The following ST6GALNAC3 variants were observed in gnomAD, a reference collection of about 807,000 sequenced individuals.
ST6GALNAC3 encodes alpha-N-acetylgalactosaminide alpha-2,6-sialyltransferase 3.
A neutral mutation model predicts 32.7 loss-of-function variants in ST6GALNAC3; 25 were observed. That is an observed-to-expected ratio of 0.76 (90% CI 0.56 to 1.07). The LOEUF is 1.07. ST6GALNAC3 is among the 50% of genes least tolerant of loss of function. ST6GALNAC3 has a pLI of 0.00. For missense variants in ST6GALNAC3, 355 were observed against 382.4 expected, an observed-to-expected ratio of 0.93 and a Z score of 0.60; for synonymous variants, 129 against 133.1, an observed-to-expected ratio of 0.97 and a Z score of 0.21.
chr1:76,527,196 A>G (rs1662965318), intron 3 of ST6GALNAC3, among the ~76,000 whole-genome samples: 1 of 152,070 alleles, frequency 6.6e-6, no homozygotes, highest in Non-Finnish European at 1.5e-5. Flanking sequence ...TTGGTGACAG[A>G]GAGGAGCATA....
chr1:76,402,495 C>T (rs184412859), intron 2 of ST6GALNAC3, among the ~76,000 whole-genome samples: 5 of 152,240 alleles, frequency 3.3e-5, no homozygotes, highest in East Asian at 1.9e-4. Context: ...CAGTACACTA[C>T]GCACCATGAT....
intron 3 of ST6GALNAC3, among the ~76,000 whole-genome samples, chr1:76,447,483 G>A (rs920783170): frequency 5.9e-5 from 9 of 152,236 alleles, no homozygotes; most frequent in Middle Eastern, 3.4e-3. Flanking sequence ...ATTTGCATAA[G>A]TAACAAGGAG....
chr1:76,358,357 G>A (rs765346284), intron 2 of ST6GALNAC3, among the ~76,000 whole-genome samples: 6 of 152,104 alleles, frequency 3.9e-5, no homozygotes, highest in African/African-American at 7.2e-5. Context: ...TGGAACTCAC[G>A]AAACCTTTCC....
chr1:76,563,017 T>A (rs1480945093), intron 3 of ST6GALNAC3, among the ~76,000 whole-genome samples: 1 of 152,196 alleles, frequency 6.6e-6, no homozygotes, highest in Non-Finnish European at 1.5e-5. Flanking sequence ...CCTGAGAAGG[T>A]ACTATCCACA....
chr1:76,501,792 G>A (rs1350157341), intron 3 of ST6GALNAC3, among the ~76,000 whole-genome samples: 1 of 152,194 alleles, frequency 6.6e-6, no homozygotes, highest in Non-Finnish European at 1.5e-5. Context: ...TTGGTTTGCT[G>A]TTAGAATCTC....
intron 1 of ST6GALNAC3, among the ~76,000 whole-genome samples, chr1:76,134,866 G>A (rs531795065): frequency 9.2e-5 from 14 of 152,350 alleles, no homozygotes; most frequent in Middle Eastern, 3.4e-3. Flanking sequence ...TTTCTGGCCA[G>A]GTGCGGTGGC....
At chr1:76,204,083 T>A (rs1368968968) in intron 1 of ST6GALNAC3, among the ~76,000 whole-genome samples, 1 of 152,194 alleles carries the variant, frequency 6.6e-6, no homozygotes, top group Admixed American at 6.5e-5. Context: ...TAACCACCAA[T>A]CTGCTCTCTA....
Position 76,628,905 on chromosome 1 carries a change from A to G in ST6GALNAC3, c.*99A>G. 1.9e-6 allele frequency: 3 copies of G among 1,550,954 alleles called. No homozygotes were observed. The East Asian group carries it at 6.8e-5, about 35-fold the overall frequency. On this transcript the variant is annotated 3_prime_UTR_variant, in exon 5 of 5. Transcript: ENST00000328299. ...TGGAGATGATGGTAATGATAAAGAC[A>G]ACAACAATGATTATCAAGTTCCTGT...
intron 2 of ST6GALNAC3, among the ~76,000 whole-genome samples, chr1:76,371,839 T>C (rs1458088052): frequency 6.6e-6 from 1 of 152,154 alleles, no homozygotes; most frequent in East Asian, 1.9e-4. Context: ...TGGTGGTAAT[T>C]ACAGGGCTCA....
chr1:76,141,797 T>G (rs1412422419), intron 1 of ST6GALNAC3, among the ~76,000 whole-genome samples: 1 of 152,174 alleles, frequency 6.6e-6, no homozygotes, highest in Non-Finnish European at 1.5e-5. Context: ...AGTCTCCTCA[T>G]GACAACCATT....
Position 76,496,167 on chromosome 1 carries a change from C to A in ST6GALNAC3, c.623+83750C>A, listed in dbSNP as rs543200988. Reference sequence around the variant, plus strand: ...GGTCCCTCCCTCCATATGGAAAAATCTGCCTGAGATTTAGACAGACACTAT... The same window carrying A: ...GGTCCCTCCCTCCATATGGAAAAATATGCCTGAGATTTAGACAGACACTAT... On this transcript the variant is annotated intron_variant, in intron 3 of 4. Transcript: ENST00000328299. Among the ~76,000 whole-genome samples the A allele has an allele frequency of 1.2e-4, 18 of 152,254 alleles. No homozygotes were observed. The South Asian group carries it at 3.5e-3, about 30-fold the overall frequency.
intron 2 of ST6GALNAC3, among the ~76,000 whole-genome samples, chr1:76,385,270 CT>C (rs1652009638): frequency 1.3e-5 from 2 of 152,058 alleles, no homozygotes; most frequent in Admixed American, 1.3e-4. Flanking sequence ...AAAAAACTTA[CT>C]TTTGAACTTT....
chr1:76,305,806 C>A, intron 1 of ST6GALNAC3: 1 of 461,834 alleles, frequency 2.2e-6, no homozygotes, highest in Non-Finnish European at 4.3e-6. Flanking sequence ...TTTATATAAT[C>A]TCAGTTTTCC....
At position 76,112,381 on chromosome 1, in the gene ST6GALNAC3, C is replaced by G. The variant is rs1333191938; in HGVS notation, c.18+37497C>G. Among the ~76,000 whole-genome samples, 8 of 144,064 alleles carry G rather than the reference C, an allele frequency of 5.6e-5. No homozygotes were observed. In the East Asian group the frequency reaches 6.5e-4, roughly 12 times the overall value. The allele number at this position is 144,064 out of a possible 152,430, so 94.5% of individuals were successfully genotyped here. ...TGGCCGGGCGGGGGGCTGACCCCCC[C>G]ACCTCCTTCCCGGACTGGGCGGCTG... On this transcript the variant is annotated intron_variant, in intron 1 of 4. Coordinates refer to ENST00000328299, the MANE Select transcript of ST6GALNAC3 (RefSeq NM_152996.4).
chr1:76,489,264 A>G (rs1316547862), intron 3 of ST6GALNAC3, among the ~76,000 whole-genome samples: 1 of 152,086 alleles, frequency 6.6e-6, no homozygotes, highest in African/African-American at 2.4e-5. Context: ...TTACTGTTGG[A>G]AGAAACATAT....
chr1:76,463,488 A>T (rs1363276885), intron 3 of ST6GALNAC3, among the ~76,000 whole-genome samples: 1 of 152,146 alleles, frequency 6.6e-6, no homozygotes, highest in Non-Finnish European at 1.5e-5. Context: ...CAAGCTTTTG[A>T]TCGGTTGAGC....
chr1:76,075,100 G>T (rs1038706890), intron 1 of ST6GALNAC3, among the ~76,000 whole-genome samples: 1 of 152,230 alleles, frequency 6.6e-6, no homozygotes, highest in Admixed American at 6.5e-5. Flanking sequence ...TCCTGCTCGC[G>T]CCTGCATTGA....
Position 76,310,129 on chromosome 1 carries a change from T to C in ST6GALNAC3, c.19-3676T>C, listed in dbSNP as rs1646731684. ...AATAAACAAAAGCACAAATCCCATCTGGGTCTCCTTCAAAGCAAGCTGCTA... is the reference window on the plus strand; with the variant it reads ...AATAAACAAAAGCACAAATCCCATCCGGGTCTCCTTCAAAGCAAGCTGCTA... On this transcript the variant is annotated intron_variant, in intron 1 of 4. Transcript: ENST00000328299. 8.3e-6 allele frequency: 3 copies of C among 362,764 alleles called. No individual in the cohort carries two copies. In the Admixed American group the frequency reaches 1.1e-4, roughly 13 times the overall value. The allele number at this position is 362,764 out of a possible 1,614,324, so 22.5% of individuals were successfully genotyped here.
At chr1:76,563,368 G>A (rs1665358139) in intron 3 of ST6GALNAC3, among the ~76,000 whole-genome samples, 2 of 152,336 alleles carry the variant, frequency 1.3e-5, no homozygotes, top group South Asian at 2.1e-4. Flanking sequence ...AGAGGCAGGT[G>A]CCTGATGTGT....
Sources: gnomAD v4.1 joint callset for allele counts (sites outside exome capture counted in the v4.1 genomes callset) on GRCh38, gnomAD v4.1.1 for gene constraint, MANE v1.5 for transcripts, NCBI Gene and HGNC (gene_info 2026-07-23, HGNC 2026-07-21) for gene names.